Variants in HHLA2 observed in about 807,000 individuals in gnomAD.
HHLA2 encodes the protein HERV-H LTR-associating protein 2.
HHLA2 carries 48 observed loss-of-function variants against 45.9 expected under a neutral mutation model. The observed-to-expected ratio is 1.05, with a 90% confidence interval of 0.83 to 1.33. HHLA2 has a LOEUF of 1.33. Ranked by LOEUF, HHLA2 falls within the 40% of genes most tolerant of loss-of-function variation. The pLI is 0.00. For synonymous variants in HHLA2, 161 were observed against 173.9 expected (o/e 0.93, Z 0.59); for missense variants, 462 against 494.3 (o/e 0.93, Z 0.62).
intron 8 of HHLA2, among the ~76,000 whole-genome samples, chr3:108,374,015 T>C (rs1332681182): frequency 0.14 from 19,899 of 143,080 alleles, 1,866 homozygotes; most frequent in Non-Finnish European, 0.21. Context: ...GAGCCCGCAT[T>C]GCCAAGTCAA....
chr3:108,299,349 C>T (rs1275133563), intron 1 of HHLA2, among the ~76,000 whole-genome samples: 5 of 148,416 alleles, frequency 3.4e-5, no homozygotes, highest in African/African-American at 9.8e-5. Context: ...AATCATATAA[C>T]TATTATAATA....
chr3:108,315,872 G>T (rs72622305), intron 2 of HHLA2, among the ~76,000 whole-genome samples: 11,858 of 152,144 alleles, frequency 0.078, 1,276 homozygotes, highest in East Asian at 0.53. Flanking sequence ...TATTTGTGTG[G>T]TTTATATGTG....
intron 2 of HHLA2, among the ~76,000 whole-genome samples, chr3:108,313,973 C>T (rs749017018): frequency 2.6e-5 from 4 of 152,154 alleles, no homozygotes; most frequent in African/African-American, 4.8e-5. Flanking sequence ...ATTTAAAATG[C>T]ACTATTTAAT....
intron 3 of HHLA2, among the ~76,000 whole-genome samples, chr3:108,351,036 T>G (rs560560903): frequency 2.0e-5 from 3 of 152,382 alleles, no homozygotes; most frequent in African/African-American, 7.2e-5. Flanking sequence ...ACCAATTGTA[T>G]GCTATTCTTT....
intron 2 of HHLA2, among the ~76,000 whole-genome samples, chr3:108,314,593 C>A (rs2081073614): frequency 6.6e-6 from 1 of 152,216 alleles, no homozygotes; most frequent in Admixed American, 6.5e-5. Context: ...CCTGCAACCT[C>A]CCCGGTCAAA....
intron 1 of HHLA2, among the ~76,000 whole-genome samples, chr3:108,298,848 C>G (rs1276650624): frequency 6.6e-6 from 1 of 152,154 alleles, no homozygotes; most frequent in Non-Finnish European, 1.5e-5. Flanking sequence ...GTTCAAACCA[C>G]TAATTCCCAA....
chr3:108,313,521 T>C (rs1054630352), intron 2 of HHLA2, among the ~76,000 whole-genome samples: 54 of 152,290 alleles, frequency 3.5e-4, no homozygotes, highest in African/African-American at 1.2e-3. Context: ...GCATGTGTTG[T>C]GGGGGTGCTG....
In HHLA2 at chr3:108,375,743, TCTACAGCCCAG is replaced by T. The variant is rs773246256; in HGVS notation, c.1109-3_1116del. ...TAATTTCACTCTTCCCTGTCTCTGA[TCTACAGCCCAG>T]CTAGAAGCCAGGAGGAGCAGACACC... is the stretch of plus-strand genomic sequence containing the variant. On this transcript the variant is annotated splice_acceptor_variant and splice_polypyrimidine_tract_variant and coding_sequence_variant and intron_variant, in exon 9 of 11. Transcript: ENST00000619531. LOFTEE classifies it high-confidence loss of function. 5 of 1,610,088 alleles carry T rather than the reference TCTACAGCCCAG, an allele frequency of 3.1e-6. No individual in the cohort carries two copies. Among genetic ancestry groups the T allele is most frequent in the African/African-American group, 2.7e-5 (2 of 74,806 alleles).
At chr3:108,356,029 CTT>C (rs3053487) in intron 6 of HHLA2, among the ~76,000 whole-genome samples, 2 of 118,214 alleles carry the variant, frequency 1.7e-5, no homozygotes, top group African/African-American at 6.5e-5. Flanking sequence ...ATTTGTTTTC[CTT>C]TTTTTTTTTT....
At chr3:108,355,199 C>G in exon 6 of HHLA2, 1 of 1,613,762 alleles carries the variant, frequency 6.2e-7, no homozygotes, top group African/African-American at 1.3e-5. Flanking sequence ...TATCCTCGTC[C>G]AATTATCACG....
intron 3 of HHLA2, among the ~76,000 whole-genome samples, chr3:108,333,115 G>C (rs559469741): frequency 7.2e-5 from 11 of 152,262 alleles, no homozygotes; most frequent in Admixed American, 5.2e-4. Context: ...ATCACCCTCA[G>C]GCAACTGGGC....
At chr3:108,369,985 T>C (rs956976443) in intron 8 of HHLA2, among the ~76,000 whole-genome samples, 11 of 152,192 alleles carry the variant, frequency 7.2e-5, no homozygotes, top group African/African-American at 2.7e-4. Flanking sequence ...AGCACGCAGC[T>C]TGAGATCTGA....
At chr3:108,318,001 G>A (rs1045495340) in intron 2 of HHLA2, among the ~76,000 whole-genome samples, 1 of 151,938 alleles carries the variant, frequency 6.6e-6, no homozygotes, top group African/African-American at 2.4e-5. Context: ...CACCAACATG[G>A]AGAAACCCTG....
intron 1 of HHLA2, among the ~76,000 whole-genome samples, chr3:108,306,314 T>A (rs1320718397): frequency 6.6e-6 from 1 of 152,226 alleles, no homozygotes; most frequent in Non-Finnish European, 1.5e-5. Context: ...CATAATACAT[T>A]ATCTGTTTTA....
At chr3:108,377,607 A>T in exon 11 of HHLA2, 1 of 242,100 alleles carries the variant, frequency 4.1e-6, no homozygotes, top group Non-Finnish European at 8.1e-6. Flanking sequence ...AAGAATCTGG[A>T]AGAAATGCAT....
intron 6 of HHLA2, 128 bp downstream of exon 5, chr3:108,355,509 C>G: frequency 9.3e-7 from 1 of 1,072,642 alleles, no homozygotes; most frequent in Non-Finnish European, 1.3e-6. Flanking sequence ...GGTTAGAAGA[C>G]CAAGACCGAA....
exon 7 of HHLA2, chr3:108,357,895 T>C: frequency 6.2e-7 from 1 of 1,613,854 alleles, no homozygotes; most frequent in Non-Finnish European, 8.5e-7. Context: ...TGTCAACCTG[T>C]AAATGATTAT....
intron 3 of HHLA2, among the ~76,000 whole-genome samples, chr3:108,331,122 C>T (rs2081379343): frequency 6.6e-6 from 1 of 152,170 alleles, no homozygotes; most frequent in Non-Finnish European, 1.5e-5. Context: ...GCAAACAGTG[C>T]TCTCCATTGC....
chr3:108,340,168 T>C (rs2081539959), intron 3 of HHLA2, among the ~76,000 whole-genome samples: 1 of 152,074 alleles, frequency 6.6e-6, no homozygotes, highest in Non-Finnish European at 1.5e-5. Context: ...GGGAGAGAAT[T>C]GAGGCAAGGA....
Sources: allele counts gnomAD v4.1 joint callset (sites outside exome capture counted in the v4.1 genomes callset), GRCh38; gene constraint gnomAD v4.1.1; transcripts MANE v1.5; gene names NCBI Gene and HGNC (gene_info 2026-07-23, HGNC 2026-07-21).